Variants in MRPS6 observed in about 807,000 individuals in gnomAD.
The protein encoded by MRPS6 is small ribosomal subunit protein bS6m.
Under a neutral mutation model 13.1 loss-of-function variants are expected in MRPS6, and 6 were observed. That is an observed-to-expected ratio of 0.46 (90% confidence interval 0.25 to 0.91). The LOEUF is 0.91. Ranked by LOEUF, MRPS6 falls within the 40% of genes least tolerant of loss-of-function variation. MRPS6 has a pLI of 0.18. For synonymous variants in MRPS6, 61 were observed against 56.5 expected, an observed-to-expected ratio of 1.08 and a Z score of -0.36; for missense variants, 164 against 155.6, an observed-to-expected ratio of 1.05 and a Z score of -0.29.
At chr21:34,092,517 C>T (rs1485079965) in intron 1 of MRPS6, among the ~76,000 whole-genome samples, 4 of 152,150 alleles carry the variant, frequency 2.6e-5, no homozygotes, top group Non-Finnish European at 5.9e-5. Context: ...GTGGGCAGAG[C>T]GACTTTACTA....
chr21:34,118,053 A>C (rs1336941045), intron 1 of MRPS6, among the ~76,000 whole-genome samples: 1 of 152,146 alleles, frequency 6.6e-6, no homozygotes, highest in Non-Finnish European at 1.5e-5. Context: ...ACATTATTTT[A>C]AAAATTTTAA....
At chr21:34,140,639 C>T (rs1049316949) in intron 2 of MRPS6, among the ~76,000 whole-genome samples, 1 of 152,174 alleles carries the variant, frequency 6.6e-6, no homozygotes, top group Non-Finnish European at 1.5e-5. Context: ...GTAGTTCTAT[C>T]GATTACTGAA....
At chr21:34,100,899 G>T in intron 1 of MRPS6, 3 of 1,000,132 alleles carry the variant, frequency 3.0e-6, no homozygotes, top group Non-Finnish European at 3.6e-6. Context: ...CTACTCAAAG[G>T]TTAGGTCTTC....
chr21:34,081,515 A>G (rs1165564434), intron 1 of MRPS6, among the ~76,000 whole-genome samples: 1 of 152,186 alleles, frequency 6.6e-6, no homozygotes, highest in Non-Finnish European at 1.5e-5. Flanking sequence ...TCTGAAATGA[A>G]GATACTGGAT....
chr21:34,089,630 C>A (rs1978577771), intron 1 of MRPS6, among the ~76,000 whole-genome samples: 1 of 152,156 alleles, frequency 6.6e-6, no homozygotes, highest in South Asian at 2.1e-4. Flanking sequence ...AAATGGTTTA[C>A]TTTGGAAATT....
At chr21:34,104,614 G>A in intron 1 of MRPS6, 1 of 1,000,168 alleles carries the variant, frequency 1.0e-6, no homozygotes, top group Non-Finnish European at 1.2e-6. Flanking sequence ...AACACTTTGA[G>A]GGAGAGATTA....
chr21:34,095,791 C>T (rs1978938123), intron 1 of MRPS6: 4 of 1,613,926 alleles, frequency 2.5e-6, no homozygotes, highest in Non-Finnish European at 3.4e-6. Flanking sequence ...GGGGCACTTA[C>T]ACTTATGATT....
At chr21:34,110,279 CAT>C (rs992209655) in intron 1 of MRPS6, among the ~76,000 whole-genome samples, 19 of 152,238 alleles carry the variant, frequency 1.2e-4, no homozygotes, top group South Asian at 6.2e-4. Flanking sequence ...GCTTGGGCAA[CAT>C]AACGAAACCC....
chr21:34,082,081 T>G (rs1989472512), intron 1 of MRPS6, among the ~76,000 whole-genome samples: 1 of 151,698 alleles, frequency 6.6e-6, no homozygotes, highest in East Asian at 1.9e-4. Context: ...TGTTGCCAAC[T>G]AATTGAATAC....
chr21:34,120,025 T>A (rs1486316942), intron 1 of MRPS6, among the ~76,000 whole-genome samples: 1 of 152,214 alleles, frequency 6.6e-6, no homozygotes, highest in East Asian at 1.9e-4. Flanking sequence ...GGGGACCCTT[T>A]TAGAAGATCA....
chr21:34,102,484 T>G (rs1011945040), intron 1 of MRPS6: 2 of 1,000,066 alleles, frequency 2.0e-6, no homozygotes, highest in Admixed American at 1.2e-4. Flanking sequence ...CATTGGCATA[T>G]ATAGTCTTTC....
At chr21:34,102,916 TC>T (rs1440181013) in intron 1 of MRPS6, 4 of 999,520 alleles carry the variant, frequency 4.0e-6, no homozygotes, top group Non-Finnish European at 4.8e-6. Flanking sequence ...GCAGTAGGTA[TC>T]CCCAACCTAA....
chr21:34,112,973 A>G (rs1281627969), intron 1 of MRPS6, among the ~76,000 whole-genome samples: 2 of 152,146 alleles, frequency 1.3e-5, no homozygotes, highest in African/African-American at 4.8e-5. Flanking sequence ...GCTGGCCAAC[A>G]TGGTGAAACC....
rs533601565 is a variant in MRPS6 at position 34,125,554 on chromosome 21, A to G, written c.185+74A>G. The G allele has an allele frequency of 8.4e-6, 13 of 1,555,392 alleles. No homozygotes were observed. In the East Asian group the frequency reaches 2.7e-4, roughly 33 times the overall value. Reference sequence around the variant, plus strand: ...AAGAGTACTGTTCAATTACTATTAGAAGTTCTTAAAATTTCACATTGAGAC... The same window carrying G: ...AAGAGTACTGTTCAATTACTATTAGGAGTTCTTAAAATTTCACATTGAGAC... On this transcript the variant is annotated intron_variant, in intron 2 of 2. Transcript: ENST00000399312.
In MRPS6 at chr21:34,096,874, C is replaced by T. The variant is rs1391329927; in HGVS notation, c.45+23129C>T. On this transcript the variant is annotated intron_variant, in intron 1 of 2. Transcript: ENST00000399312. This position sits in a 1 kb window ranked among gnomAD's most constrained non-coding sequence, Gnocchi z 5.9. ...AACCTGGTGGTGAAGGAGAACTGCT[C>T]CCCAAAAGAGGAACCATACAAAATG... 1.9e-6 allele frequency: 3 copies of T among 1,613,968 alleles called. No individual in the cohort carries two copies. The highest frequency in any genetic ancestry group is 1.3e-5 in the African/African-American group (1 of 74,904).
intron 1 of MRPS6, among the ~76,000 whole-genome samples, chr21:34,109,227 G>T (rs1390855293): frequency 6.6e-6 from 1 of 151,786 alleles, no homozygotes; most frequent in Non-Finnish European, 1.5e-5. Flanking sequence ...CTTCAAGATA[G>T]TTTTTTTTCT....
intron 1 of MRPS6, among the ~76,000 whole-genome samples, chr21:34,076,040 A>G (rs965017146): frequency 1.3e-5 from 2 of 152,212 alleles, no homozygotes; most frequent in Non-Finnish European, 2.9e-5. Flanking sequence ...TCTTAAGTGT[A>G]TACCTCTTTA....
intron 1 of MRPS6, chr21:34,101,181 G>A (rs899359510): frequency 4.0e-6 from 4 of 1,000,076 alleles, no homozygotes; most frequent in South Asian, 9.4e-5. Flanking sequence ...ATATTAGCCC[G>A]TTGGTAAAAG....
chr21:34,118,663 C>T (rs1980015872), intron 1 of MRPS6, among the ~76,000 whole-genome samples: 1 of 150,870 alleles, frequency 6.6e-6, no homozygotes, highest in Non-Finnish European at 1.5e-5. Context: ...TACAGGCATA[C>T]ACCACCACGC....
Sources: allele counts gnomAD v4.1 joint callset (sites outside exome capture counted in the v4.1 genomes callset), GRCh38; gene constraint gnomAD v4.1.1; non-coding constraint Gnocchi (gnomAD v3.1); transcripts MANE v1.5; gene names NCBI Gene and HGNC (gene_info 2026-07-23, HGNC 2026-07-21).